The following MED24 variants were observed in gnomAD, a reference collection of about 807,000 sequenced individuals.
The protein encoded by MED24 is mediator of RNA polymerase II transcription subunit 24.
Under a neutral mutation model 118.8 loss-of-function variants are expected in MED24, and 74 were observed. That is an observed-to-expected ratio of 0.62 (90% confidence interval 0.52 to 0.76). The LOEUF (loss-of-function observed/expected upper bound fraction) is 0.76. MED24 is among the 30% of genes least tolerant of loss of function. MED24 has a pLI of 0.00. For missense variants in MED24, 1,041 were observed against 1,278.9 expected (o/e 0.81, Z 2.84); for synonymous variants, 521 against 523.9 (o/e 0.99, Z 0.08).
intron 20 of MED24, 58 bp downstream of exon 20, chr17:40,023,073 G>A: frequency 6.4e-7 from 1 of 1,567,868 alleles, no homozygotes. Flanking sequence ...ACCAGGCCAG[G>A]TGTGGGGAGC....
chr17:40,053,870 C>A (rs1986085054), intron 1 of MED24: 1 of 610,672 alleles, frequency 1.6e-6, no homozygotes. Context: ...GTGGCTCGCA[C>A]CTGTAATCCC....
intron 19 of MED24, chr17:40,023,656 C>A: frequency 2.3e-6 from 1 of 427,742 alleles, no homozygotes; most frequent in Non-Finnish European, 4.1e-6. Context: ...GCCATTCCAG[C>A]CAGATATTCA....
chr17:40,043,997 C>T (rs1159319333), intron 3 of MED24, among the ~76,000 whole-genome samples: 4 of 150,716 alleles, frequency 2.7e-5, no homozygotes, highest in East Asian at 2.0e-4. Flanking sequence ...GGCGTGGTGG[C>T]ACCCGCCCAT....
At chr17:40,034,894 T>C in intron 6 of MED24, 1 of 729,984 alleles carries the variant, frequency 1.4e-6, no homozygotes, top group South Asian at 1.5e-5. Context: ...GTGCTGGGTA[T>C]ACAACAATGC....
intron 6 of MED24, chr17:40,034,776 T>C (rs534794654): frequency 9.9e-5 from 60 of 607,082 alleles, no homozygotes; most frequent in African/African-American, 7.8e-4. Context: ...TCCTCGTCTG[T>C]GATGTACTAG....
rs1982813743 is a variant in MED24, at chr17:40,027,480, G to A, written c.1448-15C>T. The A allele has an allele frequency of 6.2e-7, 1 of 1,604,760 alleles. No homozygotes were observed. The highest frequency in any genetic ancestry group is 8.5e-7 in the Non-Finnish European group (1 of 1,175,392). On this transcript the variant is annotated splice_polypyrimidine_tract_variant and intron_variant, in intron 15 of 25. Transcript: ENST00000394128. ...GGCCGGTTTGGCTGTGGAAGGACGG[G>A]AAGGCTGAGCTCCCAGACGAGGGCA...
chr17:40,042,433 C>T (rs914608560), intron 3 of MED24, among the ~76,000 whole-genome samples: 5 of 152,090 alleles, frequency 3.3e-5, no homozygotes, highest in Admixed American at 1.3e-4. Context: ...CCAGCACTTT[C>T]GGAGGCTGAG....
At chr17:40,051,025 A>G (rs1300925439) in intron 3 of MED24, among the ~76,000 whole-genome samples, 1 of 151,326 alleles carries the variant, frequency 6.6e-6, no homozygotes, top group Admixed American at 6.7e-5. Flanking sequence ...ACTCCCAGCT[A>G]CTTGGGAGGC....
intron 12 of MED24, 82 bp downstream of exon 12, chr17:40,031,077 G>A: frequency 1.4e-6 from 2 of 1,383,428 alleles, no homozygotes; most frequent in Non-Finnish European, 2.0e-6. Flanking sequence ...TCGACAGGAG[G>A]TTGAAAGGCA....
rs1377053714 is a variant in MED24 at position 40,019,606 on chromosome 17, TG to T, written c.2892del (p.Lys965ArgfsTer49). 4.4e-6 allele frequency: 7 copies of T among 1,608,934 alleles called. No individual in the cohort carries two copies. Among genetic ancestry groups the T allele is most frequent in the Non-Finnish European group, 5.9e-6 (7 of 1,177,188 alleles). Reference protein sequence around the residue: ...ELVKVSAMSSPKVVLAITDLS... With the variant: ...ELVKVSAMSSXKVVLAITDLS... The stretch of plus-strand genomic sequence containing the variant: ...AGGTCCGTGATGGCCAGAACCACCT[TG>T]GGGCTGGACATGGCTGACACCTTCA... On this transcript the variant is annotated frameshift_variant, in exon 26 of 26. Transcript: ENST00000394128. LOFTEE classifies it high-confidence loss of function.
At chr17:40,022,287 C>T in intron 22 of MED24, 107 bp downstream of exon 22, 1 of 1,234,478 alleles carries the variant, frequency 8.1e-7, no homozygotes, top group Non-Finnish European at 1.1e-6. Context: ...CACAGCTGCC[C>T]CAAGGGCAGG....
intron 14 of MED24, 39 bp downstream of exon 14, chr17:40,028,787 C>G: frequency 6.2e-7 from 1 of 1,610,422 alleles, no homozygotes; most frequent in Middle Eastern, 2.1e-4. Flanking sequence ...CGCGCAGCCT[C>G]CCTGCACGCC....
chr17:40,020,228 C>A (rs781380796), intron 24 of MED24, 45 bp downstream of exon 24: 1 of 1,455,586 alleles, frequency 6.9e-7, no homozygotes, highest in South Asian at 1.4e-5. Flanking sequence ...AAGAGAGACT[C>A]GTCCAGCTTA....
intron 3 of MED24, among the ~76,000 whole-genome samples, chr17:40,052,149 C>T (rs1382514503): frequency 2.0e-5 from 3 of 151,836 alleles, no homozygotes; most frequent in African/African-American, 7.3e-5. Flanking sequence ...AAAAATTAGC[C>T]AGGCGTGATG....
chr17:40,034,508 C>T (rs2087906588), intron 6 of MED24, among the ~76,000 whole-genome samples: 1 of 152,150 alleles, frequency 6.6e-6, no homozygotes, highest in Admixed American at 6.5e-5. Flanking sequence ...GCCTTAGGAC[C>T]CCATTGCTGG....
chr17:40,032,853 G>A (rs2144910842), intron 8 of MED24, 91 bp from the exon 9 acceptor site: 1 of 1,358,700 alleles, frequency 7.4e-7, no homozygotes, highest in South Asian at 1.2e-5. Flanking sequence ...GTCAGAGACT[G>A]CATGGCAGAG....
intron 3 of MED24, 139 bp from the exon 4 acceptor site, chr17:40,036,293 A>G: frequency 1.3e-6 from 1 of 778,930 alleles, no homozygotes; most frequent in Non-Finnish European, 2.2e-6. Flanking sequence ...AAGCAAGGAG[A>G]GGCAGTGTCA....
intron 14 of MED24, 65 bp downstream of exon 14, chr17:40,028,761 T>G (rs1983019375): frequency 1.9e-6 from 3 of 1,590,650 alleles, no homozygotes; most frequent in Non-Finnish European, 2.6e-6. Flanking sequence ...ACTCCTACCC[T>G]GCTACCTCCT....
intron 16 of MED24, 123 bp from the exon 17 acceptor site, chr17:40,027,157 G>A: frequency 5.4e-6 from 7 of 1,301,802 alleles, no homozygotes; most frequent in Non-Finnish European, 6.4e-6. Context: ...GACTGGGGAC[G>A]AACTGGTCTA....
Sources: gnomAD v4.1 joint callset for allele counts (sites outside exome capture counted in the v4.1 genomes callset) on GRCh38, gnomAD v4.1.1 for gene constraint, MANE v1.5 for transcripts, NCBI Gene and HGNC (gene_info 2026-07-23, HGNC 2026-07-21) for gene names.